The following DLGAP1 variants were observed in gnomAD, a reference collection of about 807,000 sequenced individuals.
DLGAP1 encodes the protein disks large-associated protein 1.
DLGAP1 carries 11 observed loss-of-function variants against 90.8 expected under a neutral mutation model. The observed-to-expected ratio is 0.12, with a 90% CI of 0.08 to 0.20. The LOEUF (loss-of-function observed/expected upper bound fraction) is 0.20, where lower values mean the gene tolerates loss of function less well. Among genes scored for constraint, DLGAP1 ranks in the 10% least tolerant of loss-of-function variants. The probability of loss-of-function intolerance (pLI) is 1.00; values close to 1 mark genes in which losing one functional copy is unlikely to be tolerated. For synonymous variants in DLGAP1, 558 were observed against 540.7 expected (o/e 1.03, Z -0.44); for missense variants, 1,050 against 1,333.8 (o/e 0.79, Z 3.31).
At chr18:3,794,017 A>G (rs1196178529) in intron 5 of DLGAP1, among the ~76,000 whole-genome samples, 1 of 152,216 alleles carries the variant, frequency 6.6e-6, no homozygotes, top group Non-Finnish European at 1.5e-5. Context: ...CCCAGTGTCC[A>G]GCACAGTGCC....
chr18:4,190,725 GC>G (rs1223653267), intron 1 of DLGAP1, among the ~76,000 whole-genome samples: 2 of 151,970 alleles, frequency 1.3e-5, no homozygotes, highest in Admixed American at 1.3e-4. Context: ...AGTTTTGCTT[GC>G]TTAACCCGTT....
intron 7 of DLGAP1, among the ~76,000 whole-genome samples, chr18:3,703,718 G>A (rs568741466): frequency 2.8e-4 from 43 of 152,040 alleles, no homozygotes; most frequent in South Asian, 1.9e-3. Flanking sequence ...TTTTCCTCCC[G>A]AAGATGCAAC....
At chr18:4,304,132 T>C (rs921105316) in intron 1 of DLGAP1, among the ~76,000 whole-genome samples, 3 of 152,140 alleles carry the variant, frequency 2.0e-5, no homozygotes, top group South Asian at 2.1e-4. Context: ...AAATGAAAAG[T>C]TGGTTATGAG....
At chr18:4,424,333 C>G (rs3911791) in intron 1 of DLGAP1, among the ~76,000 whole-genome samples, 73,592 of 151,926 alleles carry the variant, frequency 0.48, 19,367 homozygotes, top group South Asian at 0.63. Context: ...TCCTGATAAG[C>G]AACTGTGTTA....
At chr18:3,873,939 G>A (rs907192652) in intron 4 of DLGAP1, among the ~76,000 whole-genome samples, 3 of 152,176 alleles carry the variant, frequency 2.0e-5, no homozygotes, top group African/African-American at 7.2e-5. Context: ...TAAAGCCCTT[G>A]TGGAGACACA....
At chr18:3,816,566 T>A (rs1276852493) in intron 4 of DLGAP1, among the ~76,000 whole-genome samples, 2 of 152,224 alleles carry the variant, frequency 1.3e-5, no homozygotes, top group African/African-American at 4.8e-5. Flanking sequence ...AGCATCACCC[T>A]GCAGCATGTT....
At chr18:3,915,041 C>T (rs371767800) in intron 3 of DLGAP1, among the ~76,000 whole-genome samples, 15 of 152,334 alleles carry the variant, frequency 9.8e-5, no homozygotes, top group African/African-American at 3.4e-4. Context: ...CCACATTCAG[C>T]TGTTAATAGC....
intron 4 of DLGAP1, among the ~76,000 whole-genome samples, chr18:3,867,468 C>T (rs1206653367): frequency 6.6e-6 from 1 of 151,746 alleles, no homozygotes; most frequent in African/African-American, 2.4e-5. Context: ...AGAGGGTTCA[C>T]GGGGTGGGGA....
chr18:3,769,993 G>A (rs1242853496), intron 5 of DLGAP1: 1 of 152,098 alleles, frequency 6.6e-6, no homozygotes, highest in Non-Finnish European at 1.5e-5. Context: ...CAATGAATGA[G>A]TCAGGATGCA....
In DLGAP1 at chr18:4,088,913, A is replaced by T. The variant is rs931215806; in HGVS notation, c.-159+62267T>A. 7.2e-5 allele frequency among the ~76,000 whole-genome samples: 11 copies of T among 152,206 alleles called. 1 individual carries two copies. The East Asian group carries it at 2.1e-3, about 29-fold the overall frequency. On this transcript the variant is annotated intron_variant, in intron 2 of 12. Transcript: ENST00000315677. ...GCACAAGACAAGGATGCCCTCTCTCACCACTCCTATTCAACATAGTGTTGG... is the reference window on the plus strand; with the variant it reads ...GCACAAGACAAGGATGCCCTCTCTCTCCACTCCTATTCAACATAGTGTTGG...
At chr18:4,250,751 T>G (rs1012746418) in intron 1 of DLGAP1, among the ~76,000 whole-genome samples, 1 of 152,160 alleles carries the variant, frequency 6.6e-6, no homozygotes, top group African/African-American at 2.4e-5. Context: ...TAATAGACTC[T>G]AGTGTGTGGA....
chr18:3,841,261 G>A (rs2068700421), intron 4 of DLGAP1, among the ~76,000 whole-genome samples: 1 of 152,120 alleles, frequency 6.6e-6, no homozygotes, highest in African/African-American at 2.4e-5. Context: ...AAATGAAACA[G>A]AAATGTAAGG....
intron 4 of DLGAP1, among the ~76,000 whole-genome samples, chr18:3,819,368 C>A (rs964316695): frequency 6.6e-6 from 1 of 152,068 alleles, no homozygotes; most frequent in African/African-American, 2.4e-5. Context: ...TTCTGACACT[C>A]CATAGAATAT....
intron 2 of DLGAP1, among the ~76,000 whole-genome samples, chr18:4,102,583 T>C (rs2143892103): frequency 1.3e-5 from 2 of 152,272 alleles, no homozygotes; most frequent in Middle Eastern, 3.4e-3. Context: ...ACTGGTGATG[T>C]TTCAAGGCCC....
At chr18:3,850,087 C>A (rs111750440) in intron 4 of DLGAP1, among the ~76,000 whole-genome samples, 49 of 150,948 alleles carry the variant, frequency 3.2e-4, no homozygotes, top group African/African-American at 1.1e-3. Context: ...GATGTTGAGG[C>A]CAGGTGCAGT....
chr18:3,588,013 T>A (rs1490074755), intron 7 of DLGAP1, among the ~76,000 whole-genome samples: 1 of 152,244 alleles, frequency 6.6e-6, no homozygotes. Flanking sequence ...TCATTTCAAA[T>A]GAAATTATTT....
chr18:4,308,758 T>A (rs1171848981), intron 1 of DLGAP1, among the ~76,000 whole-genome samples: 2 of 152,332 alleles, frequency 1.3e-5, no homozygotes, highest in Non-Finnish European at 2.9e-5. Context: ...TGTGAAGAGC[T>A]GGCGGCAAAT....
rs183320620 is a variant in DLGAP1 at position 3,756,632 on chromosome 18, A to G, written c.1173-14120T>C. ...ATAATAGCTATTATAGTGGAAATAA[A>G]TGAAATGGAAAGCAAAAGAAAAACG... On this transcript the variant is annotated intron_variant, in intron 5 of 12. Transcript: ENST00000315677. Among the ~76,000 whole-genome samples, 9 of 152,266 alleles carry G rather than the reference A, an allele frequency of 5.9e-5. No homozygotes were observed. The East Asian group carries it at 1.7e-3, about 29-fold the overall frequency.
At chr18:3,587,856 G>T (rs749278350) in intron 7 of DLGAP1, among the ~76,000 whole-genome samples, 4 of 152,136 alleles carry the variant, frequency 2.6e-5, no homozygotes, top group Non-Finnish European at 4.4e-5. Flanking sequence ...GCAAGACCAG[G>T]AACCCACAAG....
Sources: gnomAD v4.1 joint callset for allele counts (sites outside exome capture counted in the v4.1 genomes callset) on GRCh38, gnomAD v4.1.1 for gene constraint, MANE v1.5 for transcripts, NCBI Gene and HGNC (gene_info 2026-07-23, HGNC 2026-07-21) for gene names.